ATP6V1C1: variants seen among roughly 807,000 people sequenced by gnomAD.
The protein encoded by ATP6V1C1 is V-type proton ATPase subunit C 1.
A neutral mutation model predicts 53.9 loss-of-function variants in ATP6V1C1; 45 were observed. The observed-to-expected ratio is 0.83, with a 90% confidence interval of 0.66 to 1.07. The LOEUF (loss-of-function observed/expected upper bound fraction) is 1.07. Among genes scored for constraint, ATP6V1C1 ranks in the 50% least tolerant of loss-of-function variants. The probability of loss-of-function intolerance (pLI) is 0.00; values close to 1 mark genes in which losing one functional copy is unlikely to be tolerated. For synonymous variants in ATP6V1C1, 153 were observed against 155.2 expected (o/e 0.99, Z 0.11); for missense variants, 315 against 440.3 (o/e 0.72, Z 2.55).
At position 103,063,228 on chromosome 8, in the gene ATP6V1C1, T is replaced by G. The variant is rs1227944084; in HGVS notation, c.828T>G (p.Phe276Leu). The change falls in exon 10 of 13, where the codon TTT (phenylalanine) becomes TTG (leucine). Residue 276 changes from phenylalanine (F) to leucine (L), a missense_variant and splice_region_variant. Coordinates refer to ENST00000518738, the MANE Select transcript of ATP6V1C1 (RefSeq NM_001695.5). ...NRLSTDKKKQ[F>L]GPLVRWLKVN... ...TTTCTACTGATAAGAAAAAACAATT[T>G]GTATGTGTTTTTAATATTTAGTATT... 1 of 1,571,032 alleles carries G rather than the reference T, an allele frequency of 6.4e-7. No homozygotes were observed. Among genetic ancestry groups the G allele is most frequent in the Non-Finnish European group, 8.7e-7 (1 of 1,146,126 alleles).
intron 1 of ATP6V1C1, among the ~76,000 whole-genome samples, chr8:103,037,040 T>A (rs1586312161): frequency 1.3e-5 from 2 of 149,458 alleles, no homozygotes; most frequent in Middle Eastern, 6.8e-3. Context: ...CTGAAAATGT[T>A]AAAGTTCGAG....
chr8:103,043,489 AT>A (rs60182020), intron 3 of ATP6V1C1, among the ~76,000 whole-genome samples: 23,337 of 141,722 alleles, frequency 0.16, 2,261 homozygotes, highest in African/African-American at 0.3. Context: ...CGCCCAGCTA[AT>A]TTTTTTTTTT....
In ATP6V1C1 at chr8:103,068,647, C is replaced by T; in HGVS notation, c.1054-5C>T. ...AAATTGAATAATTGTCTGTTTTTTC[C>T]ATAGGCTCCTATGGATATTCCAGGT... On this transcript the variant is annotated splice_region_variant and splice_polypyrimidine_tract_variant and intron_variant, in intron 12 of 12. Coordinates refer to ENST00000518738, the MANE Select transcript of ATP6V1C1 (RefSeq NM_001695.5). 4 of 1,577,804 alleles carry T rather than the reference C, an allele frequency of 2.5e-6. No individual in the cohort carries two copies. Among genetic ancestry groups the T allele is most frequent in the East Asian group, 2.3e-5 (1 of 43,578 alleles).
Position 103,067,592 on chromosome 8 carries a change from C to T in ATP6V1C1, c.1054-1060C>T, listed in dbSNP as rs796234488. Among the ~76,000 whole-genome samples the T allele has an allele frequency of 3.9e-3, 501 of 129,936 alleles. 2 individuals are homozygous for T. Among genetic ancestry groups the T allele is most frequent in the African/African-American group, 0.013 (448 of 35,240 alleles). 85.2% of individuals were successfully genotyped at this position (129,936 alleles called of 152,430 possible). ...GGAAATGACTTGCTACACTTTTTTT[C>T]TTTTTCTTTTTTTTTTTTTTTTTTT... On this transcript the variant is annotated intron_variant, in intron 12 of 12. Transcript: ENST00000518738.
chr8:103,059,308 G>A (rs147573241), intron 8 of ATP6V1C1, among the ~76,000 whole-genome samples: 1 of 152,132 alleles, frequency 6.6e-6, no homozygotes, highest in African/African-American at 2.4e-5. Context: ...CTAAATCTTC[G>A]TCTGTAGCCA....
At position 103,069,262 on chromosome 8, in the gene ATP6V1C1, T is replaced by TA. The variant is rs1261590013; in HGVS notation, c.*519dup. 1 of 152,228 alleles carries TA rather than the reference T, an allele frequency of 6.6e-6. No homozygotes were observed. The highest frequency in any genetic ancestry group is 1.9e-4 in the East Asian group (1 of 5,200). 9.4% of individuals were successfully genotyped at this position (152,228 alleles called of 1,614,324 possible). Reference sequence around the variant, plus strand: ...CACTGTCAACACCCACAGGAGAGAATAAAATTACCTGTGCAAAGGTGTATT... The same window carrying TA: ...CACTGTCAACACCCACAGGAGAGAATAAAAATTACCTGTGCAAAGGTGTATT... On this transcript the variant is annotated 3_prime_UTR_variant, in exon 13 of 13. Coordinates refer to ENST00000518738, the MANE Select transcript of ATP6V1C1 (RefSeq NM_001695.5).
At position 103,047,430 on chromosome 8, in the gene ATP6V1C1, GCACA is replaced by G. The variant is rs546475923; in HGVS notation, c.201-1409_201-1406del. 5.3e-3 allele frequency among the ~76,000 whole-genome samples: 553 copies of G among 104,934 alleles called. 1 individual carries two copies. Among genetic ancestry groups the G allele is most frequent in the African/African-American group, 0.017 (483 of 28,968 alleles). 68.8% of individuals were successfully genotyped at this position (104,934 alleles called of 152,430 possible). A position where few individuals can be genotyped will look rare whatever the true frequency, so the allele number is the denominator to read the frequency against. ...TTAAAAAAAAAAAAAAAATGCGCGC[GCACA>G]CACACACACACACACACACACACAC... On this transcript the variant is annotated intron_variant, in intron 3 of 12. Transcript: ENST00000518738.
intron 12 of ATP6V1C1, 104 bp from the exon 13 acceptor site, chr8:103,068,548 T>C: frequency 1.3e-6 from 1 of 771,808 alleles, no homozygotes; most frequent in East Asian, 3.1e-5. Flanking sequence ...GTGCATACAT[T>C]TAGCCCAGAG....
At chr8:103,062,577 C>T (rs764788715) in intron 8 of ATP6V1C1, among the ~76,000 whole-genome samples, 2 of 152,032 alleles carry the variant, frequency 1.3e-5, no homozygotes, top group African/African-American at 4.8e-5. Flanking sequence ...CTGAGTTGGC[C>T]TGGAGAAAGG....
intron 1 of ATP6V1C1, among the ~76,000 whole-genome samples, chr8:103,022,725 C>G (rs1816620017): frequency 1.3e-5 from 2 of 151,974 alleles, no homozygotes; most frequent in Admixed American, 1.3e-4. Context: ...TGAAAAGAGA[C>G]TGAAAAGGGA....
Position 103,069,411 on chromosome 8 carries a change from T to C in ATP6V1C1, c.*664T>C, listed in dbSNP as rs1453881047. On this transcript the variant is annotated 3_prime_UTR_variant, in exon 13 of 13. Coordinates refer to ENST00000518738, the MANE Select transcript of ATP6V1C1 (RefSeq NM_001695.5). Reference sequence around the variant, plus strand: ...TGTAACCATTTGTGTTGTCTGACTTTCGTATGATTTAATTGAGCCAAATTT... The same window carrying C: ...TGTAACCATTTGTGTTGTCTGACTTCCGTATGATTTAATTGAGCCAAATTT... 3 of 152,234 alleles carry C rather than the reference T, an allele frequency of 2.0e-5. No homozygotes were observed. Among genetic ancestry groups the C allele is most frequent in the Admixed American group, 6.5e-5 (1 of 15,288 alleles). 9.4% of individuals were successfully genotyped at this position (152,234 alleles called of 1,614,324 possible). A position where few individuals can be genotyped will look rare whatever the true frequency, so the allele number is the denominator to read the frequency against.
chr8:103,053,947 A>G lies in ATP6V1C1; in HGVS notation c.537A>G (p.Ser179=). 1 of 1,610,906 alleles carries G rather than the reference A, an allele frequency of 6.2e-7. No individual in the cohort carries two copies. Among genetic ancestry groups the G allele is most frequent in the Non-Finnish European group, 8.5e-7 (1 of 1,178,378 alleles). The change falls in exon 7 of 13, where the codon TCA becomes TCG. Residue 179 remains serine (S), a synonymous_variant. Coordinates refer to ENST00000518738, the MANE Select transcript of ATP6V1C1 (RefSeq NM_001695.5). ...IVKKDDFVLD[S]EYLVTLLVVV... ...AGAAGGATGACTTTGTTCTTGATTCAGAGTATCTCGTCACATTACTGGTAG... is the reference window on the plus strand; with the variant it reads ...AGAAGGATGACTTTGTTCTTGATTCGGAGTATCTCGTCACATTACTGGTAG...
chr8:103,034,489 G>A (rs1317717418), intron 1 of ATP6V1C1, among the ~76,000 whole-genome samples: 1 of 151,828 alleles, frequency 6.6e-6, no homozygotes, highest in Non-Finnish European at 1.5e-5. Flanking sequence ...ATTTTCCGAT[G>A]AATAAAGACA....
intron 4 of ATP6V1C1, among the ~76,000 whole-genome samples, chr8:103,050,361 G>A (rs367872874): frequency 1.2e-4 from 19 of 152,182 alleles, no homozygotes; most frequent in East Asian, 3.8e-4. Context: ...AATACCATCC[G>A]TGTTGTTGAC....
intron 4 of ATP6V1C1, among the ~76,000 whole-genome samples, chr8:103,050,555 G>T (rs1586320286): frequency 6.6e-6 from 1 of 152,100 alleles, no homozygotes; most frequent in East Asian, 1.9e-4. Flanking sequence ...AGCTCTACAT[G>T]TTTTATTCTT....
At chr8:103,032,228 T>G (rs1380657684) in intron 1 of ATP6V1C1, among the ~76,000 whole-genome samples, 1 of 152,150 alleles carries the variant, frequency 6.6e-6, no homozygotes, top group African/African-American at 2.4e-5. Context: ...GGCAAAAGAC[T>G]TGAATAGAAA....
At chr8:103,054,127 A>C (rs192553029) in intron 7 of ATP6V1C1, 145 bp downstream of exon 7, 3 of 559,884 alleles carry the variant, frequency 5.4e-6, no homozygotes, top group African/African-American at 2.0e-5. Context: ...ACATTTGCTC[A>C]TGTGGCACAT....
intron 4 of ATP6V1C1, among the ~76,000 whole-genome samples, chr8:103,050,636 A>T (rs113542088): frequency 6.6e-6 from 1 of 152,306 alleles, no homozygotes; most frequent in African/African-American, 2.4e-5. Flanking sequence ...CAATCATCAC[A>T]TGGTTTTAAC....
intron 1 of ATP6V1C1, among the ~76,000 whole-genome samples, chr8:103,024,689 A>G (rs1012714999): frequency 6.6e-6 from 1 of 152,252 alleles, no homozygotes; most frequent in South Asian, 2.1e-4. Flanking sequence ...TTTTAAAGAC[A>G]GACATAGTAT....
Sources: gnomAD v4.1 joint callset for allele counts (sites outside exome capture counted in the v4.1 genomes callset) on GRCh38, gnomAD v4.1.1 for gene constraint, MANE v1.5 for transcripts, NCBI Gene and HGNC (gene_info 2026-07-23, HGNC 2026-07-21) for gene names.